ZNF439: variants seen among roughly 807,000 people sequenced by gnomAD.
ZNF439 encodes the protein zinc finger protein 439.
In ZNF439, 40 loss-of-function variants were observed where a neutral mutation model predicts 47.3. The observed-to-expected ratio is 0.85, with a 90% CI of 0.66 to 1.10. ZNF439 has a LOEUF of 1.10. ZNF439 is among the 50% of genes least tolerant of loss of function. The pLI, the probability that ZNF439 is intolerant of heterozygous loss-of-function variation, is 0.00. For missense variants in ZNF439, 556 were observed against 601.1 expected (o/e 0.93, Z 0.78); for synonymous variants, 171 against 198.8 (o/e 0.86, Z 1.18).
chr19:11,855,418 C>T (rs933810598), intron 1 of ZNF439, among the ~76,000 whole-genome samples: 2 of 152,238 alleles, frequency 1.3e-5, no homozygotes, highest in East Asian at 1.9e-4. Flanking sequence ...GGAACCAAAA[C>T]ATAATAAGTA....
At chr19:11,866,432 G>A in intron 2 of ZNF439, 101 bp downstream of exon 2, 2 of 1,603,558 alleles carry the variant, frequency 1.2e-6, no homozygotes, top group Non-Finnish European at 1.7e-6. Context: ...GAAATACTTT[G>A]ATGAATAAAT....
rs1976761631 is a variant in ZNF439 at position 11,868,219 on chromosome 19, T to TC, written c.1165_1166insC (p.Cys389SerfsTer6). On this transcript the variant is annotated frameshift_variant, in exon 4 of 4. Transcript: ENST00000682736. LOFTEE classifies it high-confidence loss of function. Reference sequence around the variant, plus strand: ...TCACAGTGGAGAGAAACCGTATAAATGCAAGCAATGTGGTAAAGCCTTCAC... The same window carrying TC: ...TCACAGTGGAGAGAAACCGTATAAATCGCAAGCAATGTGGTAAAGCCTTCAC... The TC allele has an allele frequency of 6.2e-7, 1 of 1,614,014 alleles. No individual in the cohort carries two copies. The highest frequency in any genetic ancestry group is 1.3e-5 in the African/African-American group (1 of 74,918).
chr19:11,855,314 G>A (rs1445736899), intron 1 of ZNF439, among the ~76,000 whole-genome samples: 1 of 152,172 alleles, frequency 6.6e-6, no homozygotes, highest in East Asian at 1.9e-4. Flanking sequence ...CATGGAGGGG[G>A]GTAGGAACTA....
intron 1 of ZNF439, among the ~76,000 whole-genome samples, chr19:11,860,312 A>G (rs1171496896): frequency 1.3e-5 from 2 of 152,132 alleles, no homozygotes; most frequent in Non-Finnish European, 2.9e-5. Context: ...TTGCTCCTCA[A>G]TAGACAAATA....
At chr19:11,855,619 T>A (rs1976365009) in intron 1 of ZNF439, among the ~76,000 whole-genome samples, 1 of 152,110 alleles carries the variant, frequency 6.6e-6, no homozygotes, top group Non-Finnish European at 1.5e-5. Context: ...CGGTCCCTGA[T>A]CATGATAGAT....
At chr19:11,862,278 A>C (rs1357064646) in intron 1 of ZNF439, among the ~76,000 whole-genome samples, 1 of 151,852 alleles carries the variant, frequency 6.6e-6, no homozygotes, top group African/African-American at 2.4e-5. Context: ...TTCTTTATTC[A>C]TCTATTGAAA....
At chr19:11,854,769 G>A (rs1313937350) in intron 1 of ZNF439, among the ~76,000 whole-genome samples, 1 of 151,572 alleles carries the variant, frequency 6.6e-6, no homozygotes, top group Non-Finnish European at 1.5e-5. Flanking sequence ...AAAAAAAAAA[G>A]AGATATTATG....
intron 1 of ZNF439, among the ~76,000 whole-genome samples, chr19:11,864,783 A>G (rs1251391439): frequency 6.6e-6 from 1 of 151,170 alleles, no homozygotes; most frequent in Non-Finnish European, 1.5e-5. Context: ...GGGCCAAGAT[A>G]TTGTTTTCTT....
intron 1 of ZNF439, chr19:11,849,149 C>T: frequency 8.9e-7 from 1 of 1,126,280 alleles, no homozygotes; most frequent in Non-Finnish European, 1.1e-6. Context: ...GGCCCCGAAG[C>T]CCTTTTGTGC....
At position 11,869,230 on chromosome 19, in the gene ZNF439, G is replaced by A. The variant is rs1976802594; in HGVS notation, c.*661G>A. 9.1e-6 allele frequency: 2 copies of A among 219,976 alleles called. No homozygotes were observed. Among genetic ancestry groups the A allele is most frequent in the Non-Finnish European group, 2.0e-5 (2 of 101,140 alleles). The allele number at this position is 219,976 out of a possible 1,614,324, so 13.6% of individuals were successfully genotyped here. On this transcript the variant is annotated 3_prime_UTR_variant, in exon 4 of 4. Transcript: ENST00000682736. The stretch of plus-strand genomic sequence containing the variant: ...AAAGGACTCACACTGGGGAGAAACC[G>A]TATCAATGTAAGCAATGTGGGAAAG...
At chr19:11,865,027 G>A (rs1976635625) in intron 1 of ZNF439, among the ~76,000 whole-genome samples, 1 of 151,924 alleles carries the variant, frequency 6.6e-6, no homozygotes, top group Non-Finnish European at 1.5e-5. Flanking sequence ...TGATCTGCCC[G>A]CCTCCACCTC....
chr19:11,858,792 G>C (rs571814377), intron 1 of ZNF439, among the ~76,000 whole-genome samples: 1 of 152,266 alleles, frequency 6.6e-6, no homozygotes, highest in South Asian at 2.1e-4. Context: ...AAGGCAGTAG[G>C]TGAAGGAGAA....
In ZNF439 at chr19:11,868,947, G is replaced by A; in HGVS notation, c.*378G>A. On this transcript the variant is annotated 3_prime_UTR_variant, in exon 4 of 4. Transcript: ENST00000682736. ...GCATTCATATCTGCCAAGATCGTTT[G>A]AATACATGCAAAACACACACTGGAG... 1 of 288,614 alleles carries A rather than the reference G, an allele frequency of 3.5e-6. No individual in the cohort carries two copies. The highest frequency in any genetic ancestry group is 7.1e-6 in the Non-Finnish European group (1 of 141,280). 17.9% of individuals were successfully genotyped at this position (288,614 alleles called of 1,614,324 possible).
In ZNF439 at chr19:11,848,765, T is replaced by G; in HGVS notation, c.-103T>G. ...CACGGAGGATGTTGCATTCCTGCCG[T>G]CACCTTTGTCGCTGCGAGGGCGGCG... On this transcript the variant is annotated 5_prime_UTR_variant, in exon 1 of 4. Coordinates refer to ENST00000682736, the MANE Select transcript of ZNF439 (RefSeq NM_001348719.2). 1 of 1,300,088 alleles carries G rather than the reference T, an allele frequency of 7.7e-7. No homozygotes were observed. Among genetic ancestry groups the G allele is most frequent in the Non-Finnish European group, 1.0e-6 (1 of 1,002,168 alleles). 80.5% of individuals were successfully genotyped at this position (1,300,088 alleles called of 1,614,324 possible). A position where few individuals can be genotyped will look rare whatever the true frequency, so the allele number is the denominator to read the frequency against.
At chr19:11,859,826 CCTT>C (rs1976492801) in intron 1 of ZNF439, among the ~76,000 whole-genome samples, 1 of 152,118 alleles carries the variant, frequency 6.6e-6, no homozygotes, top group Non-Finnish European at 1.5e-5. Context: ...TTTTTATCCT[CCTT>C]CTCCTGTTTA....
In ZNF439 at chr19:11,867,043, A is replaced by G. The variant is rs554581663; in HGVS notation, c.252-263A>G. 3.3e-5 allele frequency among the ~76,000 whole-genome samples: 5 copies of G among 152,326 alleles called. No homozygotes were observed. The South Asian group carries it at 1.0e-3, about 32-fold the overall frequency. ...ACAGGACAAGACCCTGAAACAAAAG[A>G]AAAATGACACAGAGTATTTAGTATT... On this transcript the variant is annotated intron_variant, in intron 3 of 3. Coordinates refer to ENST00000682736, the MANE Select transcript of ZNF439 (RefSeq NM_001348719.2).
rs112787680 is a variant in ZNF439 at position 11,859,972 on chromosome 19, G to A, written c.64-6233G>A. 7.6e-3 allele frequency among the ~76,000 whole-genome samples: 1,155 copies of A among 152,260 alleles called. 13 individuals are homozygous for A. Among genetic ancestry groups the A allele is most frequent in the African/African-American group, 0.027 (1,105 of 41,560 alleles). On this transcript the variant is annotated intron_variant, in intron 1 of 3. Transcript: ENST00000682736. The stretch of plus-strand genomic sequence containing the variant: ...GACAGTATGGACTAAACTCCAAGTG[G>A]AGAAAACAGAAGGATCAACTTTTAG...
intron 3 of ZNF439, 55 bp downstream of exon 3, chr19:11,866,652 A>C (rs1044232139): frequency 6.5e-7 from 1 of 1,535,618 alleles, no homozygotes; most frequent in Non-Finnish European, 8.9e-7. Flanking sequence ...TTAGAATATG[A>C]GACTATGTTA....
intron 3 of ZNF439, 137 bp from the exon 4 acceptor site, chr19:11,867,169 C>G: frequency 9.6e-7 from 1 of 1,044,678 alleles, no homozygotes; most frequent in South Asian, 1.7e-5. Context: ...GTTGTCCAGT[C>G]ACCTTCAAAC....
Sources: allele counts gnomAD v4.1 joint callset (sites outside exome capture counted in the v4.1 genomes callset), GRCh38; gene constraint gnomAD v4.1.1; transcripts MANE v1.5; gene names NCBI Gene and HGNC (gene_info 2026-07-23, HGNC 2026-07-21).